SERPINA12: variants seen among roughly 807,000 people sequenced by gnomAD.
The protein encoded by SERPINA12 is serpin family A member 12.
A neutral mutation model predicts 25.9 loss-of-function variants in SERPINA12; 21 were observed. That is an observed-to-expected ratio of 0.81 (90% CI 0.58 to 1.17). SERPINA12 has a LOEUF of 1.17. SERPINA12 is among the 50% of genes most tolerant of loss of function. The pLI, the probability that SERPINA12 is intolerant of heterozygous loss-of-function variation, is 0.00. For missense variants in SERPINA12, 562 were observed against 508.3 expected (o/e 1.11, Z -1.02); for synonymous variants, 220 against 196.0 (o/e 1.12, Z -1.02).
In SERPINA12 at chr14:94,497,852, A is replaced by T. The variant is rs1363700552; in HGVS notation, c.546T>A (p.Ser182Arg). The stretch of plus-strand genomic sequence containing the variant: ...TGTTAATTTTCCCATGGGTTTTTTG[A>T]CTGATAAAGTCATTGATCTGCTTCT... ...MAQKQINDFI[S>R]QKTHGKINNL... Residue 182 changes from serine (S) to arginine (R), a missense_variant, in exon 2 of 5, where the codon AGT (serine) becomes AGA (arginine). Coordinates refer to ENST00000677451, the MANE Select transcript of SERPINA12 (RefSeq NM_001382267.1). 2 of 1,614,100 alleles carry T rather than the reference A, an allele frequency of 1.2e-6. No individual in the cohort carries two copies. The highest frequency in any genetic ancestry group is 1.7e-6 in the Non-Finnish European group (2 of 1,180,002).
intron 1 of SERPINA12, chr14:94,503,170 T>G (rs1192200091): frequency 3.1e-6 from 3 of 978,916 alleles, no homozygotes; most frequent in Non-Finnish European, 3.6e-6. Flanking sequence ...TAAATTATTA[T>G]TTTTAAAAGC....
chr14:94,511,284 T>A (rs1205082157), upstream of SERPINA12: 5 of 421,536 alleles, frequency 1.2e-5, no homozygotes, highest in Non-Finnish European at 1.6e-5. Context: ...CATTTAATTC[T>A]TACAAGTCTG....
intron 1 of SERPINA12, chr14:94,503,282 C>T (rs1900806577): frequency 3.0e-6 from 3 of 985,296 alleles, no homozygotes; most frequent in Non-Finnish European, 3.6e-6. Context: ...TATACTTTCT[C>T]CTCCTTTCTG....
chr14:94,510,029 C>T (rs1901068393), upstream of SERPINA12: 1 of 985,306 alleles, frequency 1.0e-6, no homozygotes, highest in African/African-American at 1.7e-5. Flanking sequence ...TCCATCCAAC[C>T]CCACCCCACT....
At chr14:94,495,290 G>A (rs1226786324) in intron 3 of SERPINA12, among the ~76,000 whole-genome samples, 2 of 151,622 alleles carry the variant, frequency 1.3e-5, no homozygotes, top group African/African-American at 2.4e-5. Context: ...GGATGGTCTC[G>A]ATCTCCTGAC....
intron 1 of SERPINA12, chr14:94,500,778 G>A (rs1234370902): frequency 1.2e-6 from 1 of 828,680 alleles, no homozygotes; most frequent in Admixed American, 6.2e-5. Flanking sequence ...CATGGAAAAA[G>A]CTGAACCCAG....
At chr14:94,503,220 C>A (rs1164383371) in intron 1 of SERPINA12, 1 of 984,436 alleles carries the variant, frequency 1.0e-6, no homozygotes, top group Non-Finnish European at 1.2e-6. Flanking sequence ...ATCTTCTCTC[C>A]CCTGTTAGAA....
intron 1 of SERPINA12, among the ~76,000 whole-genome samples, chr14:94,498,645 C>A (rs1309346935): frequency 6.6e-6 from 1 of 152,164 alleles, no homozygotes; most frequent in Non-Finnish European, 1.5e-5. Flanking sequence ...ATGTAGAAGA[C>A]AACTCTTGTT....
intron 1 of SERPINA12, among the ~76,000 whole-genome samples, chr14:94,507,378 G>C (rs777674890): frequency 6.6e-6 from 1 of 152,148 alleles, no homozygotes; most frequent in Non-Finnish European, 1.5e-5. Context: ...TTAACATTAA[G>C]AGCCTTGTTC....
intron 3 of SERPINA12, among the ~76,000 whole-genome samples, chr14:94,491,515 G>C (rs1900179520): frequency 6.6e-6 from 1 of 152,070 alleles, no homozygotes. Context: ...GTGTGTAGTG[G>C]GGATGGGCAA....
intron 1 of SERPINA12, among the ~76,000 whole-genome samples, chr14:94,500,312 G>A (rs990448183): frequency 2.0e-5 from 3 of 151,616 alleles, no homozygotes; most frequent in East Asian, 1.9e-4. Flanking sequence ...TCCCCTCCTC[G>A]CCTTCTTCTC....
intron 4 of SERPINA12, among the ~76,000 whole-genome samples, chr14:94,489,205 GAA>G (rs1033467630): frequency 2.0e-5 from 3 of 147,988 alleles, no homozygotes; most frequent in African/African-American, 7.4e-5. Flanking sequence ...GAAAAAGAAA[GAA>G]AGAGAGAAAG....
At chr14:94,502,255 G>A (rs1194867911) in intron 1 of SERPINA12, among the ~76,000 whole-genome samples, 1 of 152,046 alleles carries the variant, frequency 6.6e-6, no homozygotes, top group Non-Finnish European at 1.5e-5. Context: ...CTCCTCTTAT[G>A]ACTAGATAAA....
rs767732183 is a variant in SERPINA12, at chr14:94,496,638, A to G, written c.640T>C (p.Trp214Arg). ...ACATTTGGATCAAACTCATGTTTCC[A>G]CCTGGCTTAGATTGAAGAAAGACAA... ...LANYIFFRAR[W>R]KHEFDPNVTK... Residue 214 changes from tryptophan (W) to arginine (R), a missense_variant, in exon 3 of 5, where the codon TGG (tryptophan) becomes CGG (arginine). Trp to Arg is a moderately radical substitution (Grantham distance 101, BLOSUM62 -3). Transcript: ENST00000677451. The G allele has an allele frequency of 6.2e-7, 1 of 1,613,830 alleles. No homozygotes were observed. The highest frequency in any genetic ancestry group is 1.1e-5 in the South Asian group (1 of 90,974).
At chr14:94,490,999 C>A (rs1900157320) in intron 3 of SERPINA12, among the ~76,000 whole-genome samples, 1 of 152,224 alleles carries the variant, frequency 6.6e-6, no homozygotes, top group African/African-American at 2.4e-5. Flanking sequence ...CATCCCCATA[C>A]ATGTCATTCA....
chr14:94,513,473 C>T (rs2041495612), upstream of SERPINA12, among the ~76,000 whole-genome samples: 1 of 152,178 alleles, frequency 6.6e-6, no homozygotes, highest in African/African-American at 2.4e-5. Context: ...ATTCAGGCTC[C>T]ATGGCTGCTG....
chr14:94,511,765 G>A (rs892844453), upstream of SERPINA12: 3 of 962,550 alleles, frequency 3.1e-6, no homozygotes, highest in Non-Finnish European at 3.7e-6. Context: ...AGCCAGGTGT[G>A]GGGGAGAGAG....
intron 3 of SERPINA12, among the ~76,000 whole-genome samples, chr14:94,491,559 G>T (rs952367044): frequency 6.6e-6 from 1 of 152,160 alleles, no homozygotes; most frequent in East Asian, 1.9e-4. Flanking sequence ...GGAAGCTAGT[G>T]TGGTAGTCAC....
At chr14:94,503,321 A>G (rs1264738339) in intron 1 of SERPINA12, 2 of 985,102 alleles carry the variant, frequency 2.0e-6, no homozygotes, top group Non-Finnish European at 2.4e-6. Context: ...ACATGTCCCC[A>G]TTCCACTTGT....
Sources: gnomAD v4.1 joint callset for allele counts (sites outside exome capture counted in the v4.1 genomes callset) on GRCh38, gnomAD v4.1.1 for gene constraint, MANE v1.5 for transcripts, NCBI Gene and HGNC (gene_info 2026-07-23, HGNC 2026-07-21) for gene names.